The following PTGER3 variants were observed in gnomAD, a reference collection of about 807,000 sequenced individuals.
PTGER3 encodes the protein prostaglandin E receptor 3.
Under a neutral mutation model 34.7 loss-of-function variants are expected in PTGER3, and 22 were observed. The observed-to-expected ratio is 0.63, with a 90% confidence interval of 0.45 to 0.91. PTGER3 has a LOEUF of 0.91. Ranked by LOEUF, PTGER3 falls within the 40% of genes least tolerant of loss-of-function variation. The probability of loss-of-function intolerance (pLI) is 0.00; values close to 1 mark genes in which losing one functional copy is unlikely to be tolerated. For synonymous variants in PTGER3, 241 were observed against 230.1 expected (o/e 1.05, Z -0.43); for missense variants, 468 against 519.4 (o/e 0.90, Z 0.96).
intron 1 of PTGER3, among the ~76,000 whole-genome samples, chr1:71,034,335 A>G (rs1304507215): frequency 3.3e-5 from 5 of 152,224 alleles, no homozygotes; most frequent in Non-Finnish European, 7.3e-5. Context: ...TGGATTTGAC[A>G]TAACAGGTAT....
At chr1:70,915,336 T>A (rs1374739648) in intron 4 of PTGER3, among the ~76,000 whole-genome samples, 1 of 151,774 alleles carries the variant, frequency 6.6e-6, no homozygotes, top group Non-Finnish European at 1.5e-5. Flanking sequence ...AATAAATGAA[T>A]GAATGAACAC....
intron 2 of PTGER3, among the ~76,000 whole-genome samples, chr1:70,995,679 A>G (rs1655874231): frequency 6.6e-6 from 1 of 152,112 alleles, no homozygotes; most frequent in Non-Finnish European, 1.5e-5. Context: ...AAATAGGAAT[A>G]ATAACAACAC....
At chr1:70,990,340 GA>G (rs1655327832) in intron 2 of PTGER3, among the ~76,000 whole-genome samples, 1 of 139,894 alleles carries the variant, frequency 7.1e-6, no homozygotes, top group African/African-American at 2.7e-5. Flanking sequence ...CTGGGCGACA[GA>G]ACGAGACTGT....
intron 4 of PTGER3, among the ~76,000 whole-genome samples, chr1:70,901,669 G>T (rs1428778667): frequency 2.0e-5 from 3 of 152,116 alleles, no homozygotes; most frequent in African/African-American, 7.2e-5. Flanking sequence ...ATTTAATCTA[G>T]GAGATTCTGA....
chr1:71,036,323 C>T (rs1004234313), intron 1 of PTGER3, among the ~76,000 whole-genome samples: 1 of 152,052 alleles, frequency 6.6e-6, no homozygotes, highest in African/African-American at 2.4e-5. Flanking sequence ...ACATTCACTA[C>T]AGGGAAAAGA....
At chr1:70,935,768 G>A (rs905965683) in intron 4 of PTGER3, among the ~76,000 whole-genome samples, 2 of 151,260 alleles carry the variant, frequency 1.3e-5, no homozygotes, top group African/African-American at 4.9e-5. Flanking sequence ...CAAGTACAGA[G>A]ATCCATGGGA....
intron 4 of PTGER3, among the ~76,000 whole-genome samples, chr1:70,922,541 A>G (rs562589258): frequency 6.6e-6 from 1 of 152,258 alleles, no homozygotes; most frequent in South Asian, 2.1e-4. Context: ...TGCTGGAAAA[A>G]GCCAGCCCTT....
chr1:70,932,755 G>A (rs953890262), intron 4 of PTGER3, among the ~76,000 whole-genome samples: 9 of 152,114 alleles, frequency 5.9e-5, no homozygotes, highest in African/African-American at 1.9e-4. Context: ...TTTGGGTGGG[G>A]ACACAGAGCC....
At chr1:70,983,990 A>T (rs1057124907) in intron 2 of PTGER3, among the ~76,000 whole-genome samples, 2 of 152,170 alleles carry the variant, frequency 1.3e-5, no homozygotes, top group Admixed American at 1.3e-4. Flanking sequence ...CGGAAGACGA[A>T]CGGTACACAC....
chr1:70,929,041 C>G (rs1210821438), intron 4 of PTGER3, among the ~76,000 whole-genome samples: 1 of 152,064 alleles, frequency 6.6e-6, no homozygotes, highest in African/African-American at 2.4e-5. Flanking sequence ...TTCAGAACTC[C>G]GTTTCTCAGG....
At chr1:70,870,835 A>G (rs924120408) in intron 4 of PTGER3, among the ~76,000 whole-genome samples, 1 of 152,102 alleles carries the variant, frequency 6.6e-6, no homozygotes, top group African/African-American at 2.4e-5. Context: ...CTCAGCCTGG[A>G]TTTTATTGTC....
intron 2 of PTGER3, among the ~76,000 whole-genome samples, chr1:70,987,157 T>TATA (rs1324774287): frequency 6.6e-6 from 1 of 152,198 alleles, no homozygotes; most frequent in Non-Finnish European, 1.5e-5. Flanking sequence ...TTCTCCCCTT[T>TATA]ATAAATCTGT....
At chr1:70,927,307 G>C (rs924117733) in intron 4 of PTGER3, among the ~76,000 whole-genome samples, 6 of 152,232 alleles carry the variant, frequency 3.9e-5, no homozygotes, top group Non-Finnish European at 7.4e-5. Flanking sequence ...AATCCATCTG[G>C]TCCTGGACTC....
At chr1:70,912,655 C>G (rs188358315) in intron 4 of PTGER3, among the ~76,000 whole-genome samples, 44 of 152,184 alleles carry the variant, frequency 2.9e-4, no homozygotes, top group Middle Eastern at 6.8e-3. Flanking sequence ...ACTACTTACA[C>G]TCAGTCTGAA....
intron 2 of PTGER3, among the ~76,000 whole-genome samples, chr1:70,975,987 T>C (rs1653655075): frequency 6.6e-6 from 1 of 152,152 alleles, no homozygotes; most frequent in Admixed American, 6.5e-5. Flanking sequence ...TTGGTTCTTA[T>C]TTAGAGGCCT....
intron 2 of PTGER3, among the ~76,000 whole-genome samples, chr1:70,999,810 G>A (rs947263330): frequency 4.6e-5 from 7 of 152,178 alleles, no homozygotes; most frequent in Non-Finnish European, 1.0e-4. Flanking sequence ...CTTGGCTTTA[G>A]CAAAAACCAC....
At chr1:71,014,137 T>G (rs1657685215) in intron 1 of PTGER3, among the ~76,000 whole-genome samples, 1 of 152,084 alleles carries the variant, frequency 6.6e-6, no homozygotes, top group Non-Finnish European at 1.5e-5. Flanking sequence ...GGCTTGTGGT[T>G]TTTTTTTGCT....
chr1:71,029,469 T>C (rs745888301), intron 1 of PTGER3, among the ~76,000 whole-genome samples: 8 of 152,192 alleles, frequency 5.3e-5, no homozygotes, highest in African/African-American at 7.2e-5. Flanking sequence ...TTGTCATCAA[T>C]AGAACAAAAT....
intron 2 of PTGER3, among the ~76,000 whole-genome samples, chr1:70,996,851 A>C (rs912257512): frequency 1.3e-5 from 2 of 151,860 alleles, no homozygotes; most frequent in African/African-American, 2.4e-5. Flanking sequence ...TTTAGTAGAG[A>C]CGGGGTTTCA....
Sources: allele counts gnomAD v4.1 joint callset (sites outside exome capture counted in the v4.1 genomes callset), GRCh38; gene constraint gnomAD v4.1.1; transcripts MANE v1.5; gene names NCBI Gene and HGNC (gene_info 2026-07-23, HGNC 2026-07-21).